Variants in CHD9 observed in about 807,000 individuals in gnomAD.
CHD9 encodes ATP-dependent chromatin remodeler CHD9.
In CHD9, 77 loss-of-function variants were observed where a neutral mutation model predicts 316.1. The observed-to-expected ratio is 0.24, with a 90% CI of 0.20 to 0.29. The LOEUF (loss-of-function observed/expected upper bound fraction) is 0.29, where lower values mean the gene tolerates loss of function less well. Among genes scored for constraint, CHD9 ranks in the 10% least tolerant of loss-of-function variants. The probability of loss-of-function intolerance (pLI) is 1.00; values close to 1 mark genes in which losing one functional copy is unlikely to be tolerated. For synonymous variants in CHD9, 1,129 were observed against 1,158.3 expected, an observed-to-expected ratio of 0.97 and a Z score of 0.51; for missense variants, 2,763 against 3,438.1, an observed-to-expected ratio of 0.80 and a Z score of 4.91.
chr16:53,253,126 T>A (rs546426501), intron 17 of CHD9, among the ~76,000 whole-genome samples: 49 of 152,252 alleles, frequency 3.2e-4, no homozygotes, highest in African/African-American at 1.1e-3. Context: ...CAATTCACAA[T>A]AGCAAAATTG....
intron 27 of CHD9, among the ~76,000 whole-genome samples, chr16:53,289,999 C>G (rs1162941817): frequency 1.3e-5 from 2 of 152,210 alleles, no homozygotes; most frequent in African/African-American, 4.8e-5. Context: ...ATTGACCAGG[C>G]ACAGTGGCTC....
intron 2 of CHD9, among the ~76,000 whole-genome samples, chr16:53,159,863 G>A (rs1015243753): frequency 6.6e-5 from 10 of 152,068 alleles, no homozygotes; most frequent in Non-Finnish European, 1.3e-4. Context: ...GTGATCCACC[G>A]GCCTTGACCT....
chr16:53,321,744 T>C (rs1382646104), intron 38 of CHD9, 114 bp downstream of exon 38: 2 of 647,186 alleles, frequency 3.1e-6, no homozygotes, highest in African/African-American at 3.6e-5. Flanking sequence ...GACAGCATTT[T>C]TCAGTTTGCA....
intron 1 of CHD9, among the ~76,000 whole-genome samples, chr16:53,107,451 C>G (rs1328454619): frequency 7.9e-6 from 1 of 126,230 alleles, no homozygotes; most frequent in Admixed American, 7.6e-5. Context: ...CAGAGTGACA[C>G]TCCATCTCAA....
rs1393549290 is a variant in CHD9 at position 53,307,870 on chromosome 16, AAAG to A, written c.6976_6978del (p.Glu2326del). ...ACCCACTCCCCCAGGTGCCGGTGTT[AAAG>A]AAGAACATGATCAGTCAACACAGAT... On this transcript the variant is annotated inframe_deletion, in exon 33 of 39. Transcript: ENST00000447540. 6.2e-7 allele frequency: 1 copy of A among 1,613,814 alleles called. No homozygotes were observed. Among genetic ancestry groups the A allele is most frequent in the South Asian group, 1.1e-5 (1 of 91,006 alleles).
At chr16:53,189,557 A>T (rs576710863) in intron 2 of CHD9, among the ~76,000 whole-genome samples, 28 of 150,384 alleles carry the variant, frequency 1.9e-4, no homozygotes, top group Admixed American at 4.6e-4. Flanking sequence ...TATTATATAT[A>T]TTTTTTTTTC....
At chr16:53,163,570 T>G (rs1276911846) in intron 2 of CHD9, among the ~76,000 whole-genome samples, 1 of 152,210 alleles carries the variant, frequency 6.6e-6, no homozygotes, top group East Asian at 1.9e-4. Flanking sequence ...TTCTGGCAAA[T>G]TGCTTTTTAA....
At chr16:53,174,842 A>G (rs1011816526) in intron 2 of CHD9, among the ~76,000 whole-genome samples, 3 of 152,148 alleles carry the variant, frequency 2.0e-5, no homozygotes, top group African/African-American at 7.2e-5. Context: ...ACTCCTTTGC[A>G]TACCTGATAA....
At chr16:53,107,459 C>CAAAATAAAATAAAATAAAATAAAAT (rs56705665) in intron 1 of CHD9, among the ~76,000 whole-genome samples, 20 of 129,874 alleles carry the variant, frequency 1.5e-4, no homozygotes, top group African/African-American at 2.3e-4. Context: ...CACTCCATCT[C>CAAAATAAAATAAAATAAAATAAAAT]AAAATAAAAT....
intron 29 of CHD9, among the ~76,000 whole-genome samples, chr16:53,295,623 A>C (rs1416596530): frequency 6.6e-6 from 1 of 152,070 alleles, no homozygotes; most frequent in African/African-American, 2.4e-5. Context: ...TGTCCTGTGT[A>C]GTCTTTCAAT....
chr16:53,252,104 A>C (rs1348266948), intron 17 of CHD9, among the ~76,000 whole-genome samples: 2 of 152,192 alleles, frequency 1.3e-5, no homozygotes, highest in African/African-American at 4.8e-5. Flanking sequence ...AGCAAGACTA[A>C]GCCAAAAGAA....
In CHD9 at chr16:53,273,720, A is replaced by G; in HGVS notation, c.4812A>G (p.Lys1604=). ...TACAAAAAGCAGAATGGCTTCGAAA[A>G]TATAATCCCGAGCAGCTCCTTCAAG... ...FDIQKAEWLR[K]YNPEQLLQDE... is the part of the protein sequence containing the mutation. The change falls in exon 23 of 39, where the codon AAA becomes AAG. Residue 1604 remains lysine (K), a synonymous_variant. Transcript: ENST00000447540. The G allele has an allele frequency of 6.2e-7, 1 of 1,613,636 alleles. No individual in the cohort carries two copies. Among genetic ancestry groups the G allele is most frequent in the Non-Finnish European group, 8.5e-7 (1 of 1,179,704 alleles).
At chr16:53,247,558 G>T in intron 16 of CHD9, 55 bp downstream of exon 16, 3 of 1,194,912 alleles carry the variant, frequency 2.5e-6, no homozygotes, top group South Asian at 1.3e-5. Flanking sequence ...ATTAAGATTT[G>T]TGCAGCACTG....
chr16:53,187,455 A>G (rs2152819412), intron 2 of CHD9, among the ~76,000 whole-genome samples: 1 of 152,290 alleles, frequency 6.6e-6, no homozygotes, highest in Non-Finnish European at 1.5e-5. Flanking sequence ...ACCGTGAGCT[A>G]TGATCACACC....
chr16:53,222,383 C>G (rs528609547), intron 3 of CHD9, among the ~76,000 whole-genome samples: 1 of 152,076 alleles, frequency 6.6e-6, no homozygotes, highest in East Asian at 1.9e-4. Flanking sequence ...ACTTGACTGC[C>G]TTTCTGTGTT....
In CHD9 at chr16:53,238,558, A is replaced by T. The variant is rs770675355; in HGVS notation, c.2849A>T (p.Gln950Leu). The T allele has an allele frequency of 6.2e-7, 1 of 1,613,276 alleles. No individual in the cohort carries two copies. Among genetic ancestry groups the T allele is most frequent in the Non-Finnish European group, 8.5e-7 (1 of 1,179,410 alleles). The change falls in exon 12 of 39, where the codon CAA becomes CTA. Residue 950 changes from glutamine to leucine, a missense_variant. Gln to Leu is a moderately radical substitution (Grantham distance 113). Transcript: ENST00000447540. ...CTGATTAGCAGACAAATGATACAGC[A>T]ATACGAGATGTACTTCAGGGATTCA... ...GSLISRQMIQ[Q>L]YEMYFRDSQG...
chr16:53,253,647 A>T (rs1376108139), intron 17 of CHD9, among the ~76,000 whole-genome samples: 1 of 152,192 alleles, frequency 6.6e-6, no homozygotes, highest in Non-Finnish European at 1.5e-5. Flanking sequence ...TGTAATTGAA[A>T]AAAATTTAGA....
At chr16:53,116,550 C>T (rs1251450790) in intron 1 of CHD9, among the ~76,000 whole-genome samples, 2 of 152,112 alleles carry the variant, frequency 1.3e-5, no homozygotes, top group Non-Finnish European at 2.9e-5. Context: ...GTCAAAATGG[C>T]GATTGTTAAA....
intron 30 of CHD9, chr16:53,298,947 G>A (rs920725967): frequency 6.3e-6 from 1 of 157,702 alleles, no homozygotes; most frequent in African/African-American, 2.4e-5. Context: ...ATGGGCTTTG[G>A]AACAGCCTAG....
Sources: allele counts gnomAD v4.1 joint callset (sites outside exome capture counted in the v4.1 genomes callset), GRCh38; gene constraint gnomAD v4.1.1; transcripts MANE v1.5; gene names NCBI Gene and HGNC (gene_info 2026-07-23, HGNC 2026-07-21).